The following TRAPPC10 variants were observed in gnomAD, a reference collection of about 807,000 sequenced individuals.
TRAPPC10 encodes TRAPP 130 kDa subunit.
In TRAPPC10, 23 loss-of-function variants were observed where a neutral mutation model predicts 125.5. The observed-to-expected ratio is 0.18, with a 90% CI of 0.13 to 0.26. The LOEUF (loss-of-function observed/expected upper bound fraction) is 0.26, where lower values mean the gene tolerates loss of function less well. TRAPPC10 is among the 10% of genes least tolerant of loss of function. The probability of loss-of-function intolerance (pLI) is 1.00; values close to 1 mark genes in which losing one functional copy is unlikely to be tolerated. For missense variants in TRAPPC10, 1,123 were observed against 1,308.4 expected, an observed-to-expected ratio of 0.86 and a Z score of 2.19; for synonymous variants, 509 against 518.0, an observed-to-expected ratio of 0.98 and a Z score of 0.24.
Position 44,089,880 on chromosome 21 carries a change from G to T in TRAPPC10, c.2817G>T (p.Leu939=). 1 of 1,613,948 alleles carries T rather than the reference G, an allele frequency of 6.2e-7. No homozygotes were observed. The highest frequency in any genetic ancestry group is 1.1e-5 in the South Asian group (1 of 91,036). ...PWSIYSTVIA[L]TFSVPFRTTH... Reference sequence around the variant, plus strand: ...CCATCTACTCCACAGTCATCGCACTGACCTTCAGCGTACCCTTCAGGACCA... The same window carrying T: ...CCATCTACTCCACAGTCATCGCACTTACCTTCAGCGTACCCTTCAGGACCA... The change falls in exon 18 of 23, where the codon CTG becomes CTT. Residue 939 remains leucine (L), a synonymous_variant. Transcript: ENST00000291574.
rs1048309884 is a variant in TRAPPC10, at chr21:44,088,087, C to T, written c.2769+159C>T. 1.5e-5 allele frequency: 10 copies of T among 667,544 alleles called. No homozygotes were observed. The African/African-American group carries it at 1.8e-4, about 12-fold the overall frequency. 41.4% of individuals were successfully genotyped at this position (667,544 alleles called of 1,614,324 possible). On this transcript the variant is annotated intron_variant, in intron 17 of 22. Coordinates refer to ENST00000291574, the MANE Select transcript of TRAPPC10 (RefSeq NM_003274.5). ...CAGTTCTGTCTGTCTGTGAATCACC[C>T]TTTCTTAGATAAGGGGTGCATTTTT...
chr21:44,072,855 G>A (rs1601753202), intron 7 of TRAPPC10, among the ~76,000 whole-genome samples: 3 of 152,326 alleles, frequency 2.0e-5, no homozygotes, highest in South Asian at 4.1e-4. Context: ...TGGTGGTAGC[G>A]TCTTGGGAGA....
At chr21:44,047,393 C>T (rs1466537177) in intron 3 of TRAPPC10, among the ~76,000 whole-genome samples, 2 of 152,020 alleles carry the variant, frequency 1.3e-5, no homozygotes, top group African/African-American at 4.8e-5. Context: ...GTTGGCCAGG[C>T]TGGTCTCAAA....
rs145818621 is a variant in TRAPPC10, at chr21:44,091,759, C to G, written c.2871-164C>G. The G allele has an allele frequency of 2.0e-4, 135 of 686,408 alleles. No homozygotes were observed. The East Asian group carries it at 3.7e-3, about 19-fold the overall frequency. The allele number at this position is 686,408 out of a possible 1,614,324, so 42.5% of individuals were successfully genotyped here. On this transcript the variant is annotated intron_variant, in intron 18 of 22. Transcript: ENST00000291574. The stretch of plus-strand genomic sequence containing the variant: ...GGCCAAAAAGGTTTATTTTCTGGCA[C>G]TTTTCGGTGTGAAATCTGAAGGGAA...
At chr21:44,045,808 G>A (rs940373885) in intron 3 of TRAPPC10, among the ~76,000 whole-genome samples, 28 of 151,536 alleles carry the variant, frequency 1.8e-4, no homozygotes, top group East Asian at 3.9e-4. Context: ...CGCCCACCTC[G>A]GCCTCCCAAA....
At chr21:44,041,388 T>C (rs2034406971) in intron 3 of TRAPPC10, among the ~76,000 whole-genome samples, 1 of 152,224 alleles carries the variant, frequency 6.6e-6, no homozygotes, top group Admixed American at 6.5e-5. Context: ...TTTACTTTTT[T>C]TTTTTGCGAT....
In TRAPPC10 at chr21:44,058,986, G is replaced by A. The variant is rs79308591; in HGVS notation, c.679-117G>A. Reference sequence around the variant, plus strand: ...CACATTGGTTGTTACTTAGCGGAGCGTAGACATTATTCATAGTGCTGCGTG... The same window carrying A: ...CACATTGGTTGTTACTTAGCGGAGCATAGACATTATTCATAGTGCTGCGTG... On this transcript the variant is annotated intron_variant, in intron 5 of 22. Transcript: ENST00000291574. The A allele has an allele frequency of 9.7e-4, 653 of 670,432 alleles. 3 individuals are homozygous for A. The African/African-American group carries it at 0.011, about 11-fold the overall frequency. 41.5% of individuals were successfully genotyped at this position (670,432 alleles called of 1,614,324 possible).
In TRAPPC10 at chr21:44,059,489, C is replaced by A. The variant is rs1481310796; in HGVS notation, c.790+275C>A. 1.3e-6 allele frequency: 1 copy of A among 756,102 alleles called. No homozygotes were observed. 46.8% of individuals were successfully genotyped at this position (756,102 alleles called of 1,614,324 possible). A position where few individuals can be genotyped will look rare whatever the true frequency, so the allele number is the denominator to read the frequency against. Reference sequence around the variant, plus strand: ...GGTATAAAATGTCCTTTCCACAACTCAGTGGCCTGCTGGTGATGCTTCGAT... The same window carrying A: ...GGTATAAAATGTCCTTTCCACAACTAAGTGGCCTGCTGGTGATGCTTCGAT... On this transcript the variant is annotated intron_variant, in intron 6 of 22. Transcript: ENST00000291574. The surrounding 1 kb of genome is among the most constrained non-coding windows in gnomAD (Gnocchi z 4.4).
At chr21:44,019,912 T>C (rs1311786767) in intron 1 of TRAPPC10, among the ~76,000 whole-genome samples, 1 of 152,232 alleles carries the variant, frequency 6.6e-6, no homozygotes, top group Non-Finnish European at 1.5e-5. Context: ...ACATTTGGGC[T>C]TCTGGGTTCT....
chr21:44,030,039 G>A (rs1028195482), intron 1 of TRAPPC10, among the ~76,000 whole-genome samples: 2 of 152,218 alleles, frequency 1.3e-5, no homozygotes, highest in African/African-American at 4.8e-5. Flanking sequence ...ACACAGGTTA[G>A]AGAGTTAGTC....
intron 18 of TRAPPC10, among the ~76,000 whole-genome samples, chr21:44,091,086 GA>G (rs1293552111): frequency 2.0e-5 from 3 of 152,230 alleles, no homozygotes; most frequent in Admixed American, 6.5e-5. Context: ...AGCTACTCGG[GA>G]GGCTGAGGCA....
chr21:44,036,376 C>T (rs2033984589), intron 2 of TRAPPC10, among the ~76,000 whole-genome samples: 2 of 152,228 alleles, frequency 1.3e-5, no homozygotes, highest in Admixed American at 1.3e-4. Flanking sequence ...CACAGCTTCC[C>T]ACCCTGAGGG....
At chr21:44,015,358 T>TTAAG (rs942321205) in intron 1 of TRAPPC10, among the ~76,000 whole-genome samples, 2 of 152,188 alleles carry the variant, frequency 1.3e-5, no homozygotes, top group African/African-American at 4.8e-5. Flanking sequence ...TTCCCAAAGA[T>TTAAG]TAAGGGTAAT....
chr21:44,040,528 G>A (rs1482864847), intron 3 of TRAPPC10, among the ~76,000 whole-genome samples: 2 of 152,112 alleles, frequency 1.3e-5, no homozygotes, highest in Non-Finnish European at 2.9e-5. Flanking sequence ...TGTAGAGATA[G>A]GGTTTTGCCA....
chr21:44,086,913 TCCTGTG>T lies in TRAPPC10; in HGVS notation c.2495_2500del (p.Leu832_Cys833del). The T allele has an allele frequency of 6.2e-7, 1 of 1,614,204 alleles. No individual in the cohort carries two copies. Among genetic ancestry groups the T allele is most frequent in the Non-Finnish European group, 8.5e-7 (1 of 1,180,034 alleles). On this transcript the variant is annotated inframe_deletion, in exon 16 of 23. Coordinates refer to ENST00000291574, the MANE Select transcript of TRAPPC10 (RefSeq NM_003274.5). ...CTTAGCAATGCCGAAGCCATGCTCA[TCCTGTG>T]CCAGGCGGAGAGCAGGGCTGTGGTC...
At position 44,032,254 on chromosome 21, in the gene TRAPPC10, T is replaced by A. The variant is rs1024417695; in HGVS notation, c.149+82T>A. On this transcript the variant is annotated intron_variant, in intron 2 of 22. Coordinates refer to ENST00000291574, the MANE Select transcript of TRAPPC10 (RefSeq NM_003274.5). ...CATGTTTTTAAATAAGTATATGTTG[T>A]TTAGACATTTATGTGAACAAGTGAA... 2.6e-6 allele frequency: 3 copies of A among 1,157,254 alleles called. No individual in the cohort carries two copies. The Middle Eastern group carries it at 5.9e-4, about 228-fold the overall frequency. The allele number at this position is 1,157,254 out of a possible 1,614,324, so 71.7% of individuals were successfully genotyped here. A position where few individuals can be genotyped will look rare whatever the true frequency, so the allele number is the denominator to read the frequency against.
At chr21:44,042,991 A>C (rs957502450) in intron 3 of TRAPPC10, among the ~76,000 whole-genome samples, 1 of 152,002 alleles carries the variant, frequency 6.6e-6, no homozygotes, top group Admixed American at 6.6e-5. Flanking sequence ...CAAATTATTT[A>C]TATATATTAG....
chr21:44,091,440 TTTTA>T (rs570391009), intron 18 of TRAPPC10, among the ~76,000 whole-genome samples: 17 of 152,232 alleles, frequency 1.1e-4, no homozygotes, highest in African/African-American at 4.1e-4. Context: ...TTTTATTTAT[TTTTA>T]TTTGTTATTT....
intron 5 of TRAPPC10, among the ~76,000 whole-genome samples, chr21:44,058,755 C>T (rs2035804087): frequency 1.3e-5 from 2 of 152,118 alleles, no homozygotes; most frequent in African/African-American, 2.4e-5. Context: ...CCTCGGGGAG[C>T]GAGAGGAACC....
Sources: gnomAD v4.1 joint callset for allele counts (sites outside exome capture counted in the v4.1 genomes callset) on GRCh38, gnomAD v4.1.1 for gene constraint, Gnocchi (gnomAD v3.1) non-coding constraint, MANE v1.5 for transcripts, NCBI Gene and HGNC (gene_info 2026-07-23, HGNC 2026-07-21) for gene names.